Variants in SALL1 observed in about 807,000 individuals in gnomAD.
The protein encoded by SALL1 is sal-like protein 1.
A neutral mutation model predicts 73.1 loss-of-function variants in SALL1; 10 were observed. The observed-to-expected ratio is 0.14, with a 90% CI of 0.08 to 0.23. SALL1 has a LOEUF of 0.23. SALL1 is among the 10% of genes least tolerant of loss of function. SALL1 has a pLI of 1.00. For synonymous variants in SALL1, 688 were observed against 689.8 expected, an observed-to-expected ratio of 1.00 and a Z score of 0.04; for missense variants, 1,520 against 1,697.3, an observed-to-expected ratio of 0.90 and a Z score of 1.84.
intron 1 of SALL1, among the ~76,000 whole-genome samples, chr16:51,147,867 G>C (rs2143469362): frequency 6.6e-6 from 1 of 151,464 alleles, no homozygotes; most frequent in East Asian, 2.0e-4. Context: ...TTGTAGTAAA[G>C]AGCCCACATA....
intron 1 of SALL1, 150 bp downstream of exon 1, chr16:51,151,014 GAA>G: frequency 2.3e-6 from 1 of 433,258 alleles, no homozygotes; most frequent in South Asian, 5.3e-5. Flanking sequence ...AAATTAAAAA[GAA>G]AAAAAAAATT....
upstream of SALL1, among the ~76,000 whole-genome samples, chr16:51,151,661 G>C (rs542479751): frequency 6.6e-6 from 1 of 151,118 alleles, no homozygotes; most frequent in Non-Finnish European, 1.5e-5. Flanking sequence ...GCCGGGGGCC[G>C]GCCTCCTCTC....
chr16:51,141,507 G>T lies in SALL1; in HGVS notation c.715C>A (p.Gln239Lys). The change falls in exon 2 of 3, where the codon CAG becomes AAG. Residue 239 changes from glutamine to lysine, a missense_variant. This residue lies in a region of SALL1 where 540 missense variants were observed against 567.5 expected (regional missense o/e 0.95). Transcript: ENST00000251020. The surrounding 1 kb of genome is among the most constrained non-coding windows in gnomAD (Gnocchi z 5.4). ...LMEQLLALQQ[Q>K]QIHQLQLIEQ... is the part of the protein sequence containing the mutation. Reference sequence around the variant, plus strand: ...ATCAATTGCAGCTGGTGGATCTGCTGCTGCTGCAGAGCTAGGAGTTGTTCC... The same window carrying T: ...ATCAATTGCAGCTGGTGGATCTGCTTCTGCTGCAGAGCTAGGAGTTGTTCC... The T allele has an allele frequency of 6.2e-7, 1 of 1,614,164 alleles. No individual in the cohort carries two copies. The highest frequency in any genetic ancestry group is 8.5e-7 in the Non-Finnish European group (1 of 1,180,018).
intron 1 of SALL1, among the ~76,000 whole-genome samples, chr16:51,144,818 TA>T (rs1041333834): frequency 3.9e-5 from 6 of 152,134 alleles, no homozygotes; most frequent in Non-Finnish European, 5.9e-5. Flanking sequence ...TATAGATGTT[TA>T]AAAATAAATG....
Position 51,150,354 on chromosome 16 carries a change from C to G in SALL1, c.76+812G>C, listed in dbSNP as rs1279109155. On this transcript the variant is annotated intron_variant, in intron 1 of 2. Transcript: ENST00000251020. ...TGACCCCCCTGGAAGTAGGGAGCAC[C>G]ACGATCCGCAGAGGGCGCATACCGA... 1.2e-5 allele frequency: 12 copies of G among 968,734 alleles called. No homozygotes were observed. The African/African-American group carries it at 1.6e-4, about 13-fold the overall frequency. 60.0% of individuals were successfully genotyped at this position (968,734 alleles called of 1,614,324 possible).
chr16:51,151,074 G>A, intron 1 of SALL1, 92 bp downstream of exon 1: 1 of 848,490 alleles, frequency 1.2e-6, no homozygotes, highest in African/African-American at 1.7e-5. Flanking sequence ...GTGAGGTAGG[G>A]GGCGCGGGGG....
In SALL1 at chr16:51,139,945, C is replaced by A; in HGVS notation, c.2277G>T (p.Met759Ile). 4 of 1,614,164 alleles carry A rather than the reference C, an allele frequency of 2.5e-6. No homozygotes were observed. The highest frequency in any genetic ancestry group is 3.4e-6 in the Non-Finnish European group (4 of 1,180,024). ...AGGAATGCTGGACTCTGAGCGGGGG[C>A]ATAGCACGATGGACACTGTAGTGGG... ...LKTHYSVHRA[M>I]PPLRVQHSCP... The change falls in exon 2 of 3, where the codon ATG becomes ATT. Residue 759 changes from methionine (M) to isoleucine (I), a missense_variant. Physicochemically the swap from Met to Ile is conservative, Grantham distance 10. This residue lies in a region of SALL1 where 77 missense variants were observed against 117.2 expected (regional missense o/e 0.66). Transcript: ENST00000251020.
chr16:51,139,497 T>A lies in SALL1; in HGVS notation c.2725A>T (p.Met909Leu). Reference protein sequence around the residue: ...TNDSSSVGGDMESQSAGSPAI... With the variant: ...TNDSSSVGGDLESQSAGSPAI... ...GGGCTGCCAGCACTTTGGCTTTCCATGTCACCACCCACTGAGGATGAATCA... is the reference window on the plus strand; with the variant it reads ...GGGCTGCCAGCACTTTGGCTTTCCAAGTCACCACCCACTGAGGATGAATCA... The change falls in exon 2 of 3, where the codon ATG (methionine) becomes TTG (leucine). Residue 909 changes from methionine (M) to leucine (L), a missense_variant. Transcript: ENST00000251020. 6.2e-7 allele frequency: 1 copy of A among 1,614,224 alleles called. No individual in the cohort carries two copies. Among genetic ancestry groups the A allele is most frequent in the Non-Finnish European group, 8.5e-7 (1 of 1,180,038 alleles).
chr16:51,147,308 T>C (rs2143467481), intron 1 of SALL1, among the ~76,000 whole-genome samples: 1 of 152,330 alleles, frequency 6.6e-6, no homozygotes, highest in East Asian at 1.9e-4. Context: ...TTTTTAATAT[T>C]TTACAAAGTA....
At chr16:51,148,969 T>G (rs1962556532) in intron 1 of SALL1, among the ~76,000 whole-genome samples, 1 of 152,056 alleles carries the variant, frequency 6.6e-6, no homozygotes, top group South Asian at 2.1e-4. Flanking sequence ...TTACTGCTTC[T>G]TTAGGACAAT....
chr16:51,139,370 G>T lies in SALL1; in HGVS notation c.2852C>A (p.Ala951Glu), dbSNP rs766899404. Reference sequence around the variant, plus strand: ...ACCATTGGCAAACTCGCTTGGGACCGCTCTCTGTGGTTTCTCCTCAATGCT... The same window carrying T: ...ACCATTGGCAAACTCGCTTGGGACCTCTCTCTGTGGTTTCTCCTCAATGCT... ...SPSIEEKPQR[A>E]VPSEFANGLS... The change falls in exon 2 of 3, where the codon GCG becomes GAG. Residue 951 changes from alanine to glutamate, a missense_variant. Ala to Glu is a moderately radical substitution (Grantham distance 107, BLOSUM62 -1). This residue lies in a region of SALL1 where 266 missense variants were observed against 275.1 expected (regional missense o/e 0.97). Transcript: ENST00000251020. 2 of 1,614,002 alleles carry T rather than the reference G, an allele frequency of 1.2e-6. No homozygotes were observed. Among genetic ancestry groups the T allele is most frequent in the Non-Finnish European group, 1.7e-6 (2 of 1,180,032 alleles).
In SALL1 at chr16:51,139,981, C is replaced by A; in HGVS notation, c.2241G>T (p.Gly747=). 1 of 1,614,218 alleles carries A rather than the reference C, an allele frequency of 6.2e-7. No homozygotes were observed. The highest frequency in any genetic ancestry group is 8.5e-7 in the Non-Finnish European group (1 of 1,180,040). ...KICGRAFTTK[G]NLKTHYSVHR... The stretch of plus-strand genomic sequence containing the variant: ...GGACACTGTAGTGGGTTTTAAGATT[C>A]CCTTTCGTGGTGAAAGCCCGGCCAC... The change falls in exon 2 of 3, where the codon GGG becomes GGT. Residue 747 remains glycine, a synonymous_variant. Coordinates refer to ENST00000251020, the MANE Select transcript of SALL1 (RefSeq NM_002968.3).
In SALL1 at chr16:51,140,127, C is replaced by T. The variant is rs758644081; in HGVS notation, c.2095G>A (p.Asp699Asn). Reference protein sequence around the residue: ...SKLQQLVENIDKKATDPNECI... With the variant: ...SKLQQLVENINKKATDPNECI... ...TCATTGGGGTCAGTGGCCTTCTTGT[C>T]AATGTTTTCTACCAGTTGCTGAAGC... The change falls in exon 2 of 3, where the codon GAC (aspartate) becomes AAC (asparagine). Residue 699 changes from aspartate to asparagine, a missense_variant. Physicochemically the swap from Asp to Asn is conservative, Grantham distance 23. Transcript: ENST00000251020. This position sits in a 1 kb window ranked among gnomAD's most constrained non-coding sequence, Gnocchi z 5.7. 6.2e-7 allele frequency: 1 copy of T among 1,614,190 alleles called. No homozygotes were observed. Among genetic ancestry groups the T allele is most frequent in the Admixed American group, 1.7e-5 (1 of 60,022 alleles).
In SALL1 at chr16:51,141,480, C is replaced by T. The variant is rs1407413115; in HGVS notation, c.742G>A (p.Glu248Lys). The T allele has an allele frequency of 3.7e-6, 6 of 1,613,988 alleles. No homozygotes were observed. The highest frequency in any genetic ancestry group is 1.7e-5 in the Admixed American group (1 of 60,000). Residue 248 changes from glutamate to lysine, a missense_variant, in exon 2 of 3, where the codon GAA (glutamate) becomes AAA (lysine). Physicochemically the swap from Glu to Lys is moderately conservative, Grantham distance 56 (BLOSUM62 1). Around this residue, in one of 7 missense-constraint regions of SALL1, gnomAD observed 540 missense variants for 567.5 expected, o/e 0.95. Coordinates refer to ENST00000251020, the MANE Select transcript of SALL1 (RefSeq NM_002968.3). This position sits in a 1 kb window ranked among gnomAD's most constrained non-coding sequence, Gnocchi z 5.4. Reference sequence around the variant, plus strand: ...AGCAATATTTGGTGACGAATCTGTTCGATCAATTGCAGCTGGTGGATCTGC... The same window carrying T: ...AGCAATATTTGGTGACGAATCTGTTTGATCAATTGCAGCTGGTGGATCTGC... ...QQQIHQLQLI[E>K]QIRHQILLLA... is the part of the protein sequence containing the mutation.
rs760988542 is a variant in SALL1 at position 51,141,033 on chromosome 16, A to G, written c.1189T>C (p.Ser397Pro). ...GGGCTGGGGAAAACCGAGTTAGCGG[A>G]GGCTTGCTGAGGTAGAAGTGGATTA... ...ASNPLLPQQASANSVFPSPLP... is the reference protein window; with the variant it reads ...ASNPLLPQQAPANSVFPSPLP... The change falls in exon 2 of 3, where the codon TCC becomes CCC. Residue 397 changes from serine (S) to proline (P), a missense_variant. Physicochemically the swap from Ser to Pro is moderately conservative, Grantham distance 74. This residue lies in a region of SALL1 where 540 missense variants were observed against 567.5 expected (regional missense o/e 0.95). Coordinates refer to ENST00000251020, the MANE Select transcript of SALL1 (RefSeq NM_002968.3). The surrounding 1 kb of genome is among the most constrained non-coding windows in gnomAD (Gnocchi z 5.4). 1 of 1,614,190 alleles carries G rather than the reference A, an allele frequency of 6.2e-7. No homozygotes were observed. The highest frequency in any genetic ancestry group is 2.2e-5 in the East Asian group (1 of 44,878).
Position 51,140,277 on chromosome 16 carries a change from A to G in SALL1, c.1945T>C (p.Cys649Arg). ...GTGGTGGCACTGCCCGCGGGGCCGC[A>G]GTCTGCCGCTGGGGAGCTCAGGACG... is the stretch of plus-strand genomic sequence containing the variant. ...SSVLSSPAAD[C>R]GPAGSATTFT... Residue 649 changes from cysteine to arginine, a missense_variant, in exon 2 of 3, where the codon TGC becomes CGC. Transcript: ENST00000251020. This position sits in a 1 kb window ranked among gnomAD's most constrained non-coding sequence, Gnocchi z 5.7. 1.2e-6 allele frequency: 2 copies of G among 1,614,154 alleles called. No homozygotes were observed. Among genetic ancestry groups the G allele is most frequent in the Non-Finnish European group, 1.7e-6 (2 of 1,180,052 alleles).
rs762072595 is a variant in SALL1 at position 51,139,275 on chromosome 16, C to G, written c.2947G>C (p.Glu983Gln). The change falls in exon 2 of 3, where the codon GAA (glutamate) becomes CAA (glutamine). Residue 983 changes from glutamate to glutamine, a missense_variant. This residue lies in a region of SALL1 where 266 missense variants were observed against 275.1 expected (regional missense o/e 0.97). Transcript: ENST00000251020. ...TSSHAEKIIK[E>Q]DSLGILFPFR... ...GGGAAGAGGATCCCCAAAGAATCTT[C>G]TTTGATGATTTTCTCTGCGTGACTA... 40 of 1,614,082 alleles carry G rather than the reference C, an allele frequency of 2.5e-5. 1 individual carries two copies. The highest frequency in any genetic ancestry group is 3.0e-5 in the Non-Finnish European group (35 of 1,180,044).
At position 51,138,808 on chromosome 16, in the gene SALL1, T is replaced by A; in HGVS notation, c.3414A>T (p.Thr1138=). The change falls in exon 2 of 3, where the codon ACA becomes ACT. Residue 1138 remains threonine (T), a synonymous_variant. Transcript: ENST00000251020. ...RRTPKQHYCN[T]CGKTFSSSSA... ...TCGATGAGGAGAAGGTTTTGCCACATGTGTTGCAGTAGTGCTGCTTGGGAG... is the reference window on the plus strand; with the variant it reads ...TCGATGAGGAGAAGGTTTTGCCACAAGTGTTGCAGTAGTGCTGCTTGGGAG... 1.9e-6 allele frequency: 3 copies of A among 1,614,178 alleles called. No individual in the cohort carries two copies. In the South Asian group the frequency reaches 3.3e-5, roughly 18 times the overall value.
In SALL1 at chr16:51,142,047, G is replaced by C; in HGVS notation, c.175C>G (p.Leu59Val). Reference sequence around the variant, plus strand: ...TTAGTACAGTTCTTCTTGTGGAGCAGAAGATCTGATAATTCAAAGAACTCG... The same window carrying C: ...TTAGTACAGTTCTTCTTGTGGAGCACAAGATCTGATAATTCAAAGAACTCG... ...CAEFFELSDLLLHKKNCTKNQ... is the reference protein window; with the variant it reads ...CAEFFELSDLVLHKKNCTKNQ... Residue 59 changes from leucine (L) to valine (V), a missense_variant, in exon 2 of 3, where the codon CTG becomes GTG. This residue lies in a region of SALL1 where 540 missense variants were observed against 567.5 expected (regional missense o/e 0.95). Coordinates refer to ENST00000251020, the MANE Select transcript of SALL1 (RefSeq NM_002968.3). 1 of 1,614,066 alleles carries C rather than the reference G, an allele frequency of 6.2e-7. No individual in the cohort carries two copies. Among genetic ancestry groups the C allele is most frequent in the African/African-American group, 1.3e-5 (1 of 75,040 alleles).
Sources: allele counts gnomAD v4.1 joint callset (sites outside exome capture counted in the v4.1 genomes callset), GRCh38; gene constraint gnomAD v4.1.1; regional missense constraint gnomAD v4.1.1; non-coding constraint Gnocchi (gnomAD v3.1); transcripts MANE v1.5; gene names NCBI Gene and HGNC (gene_info 2026-07-23, HGNC 2026-07-21).